The following ADAMTS20 variants were observed in gnomAD, a reference collection of about 807,000 sequenced individuals.
ADAMTS20 encodes ADAM metallopeptidase with thrombospondin type 1 motif 20.
Under a neutral mutation model 260.1 loss-of-function variants are expected in ADAMTS20, and 225 were observed. That is an observed-to-expected ratio of 0.87 (90% CI 0.78 to 0.97). ADAMTS20 has a LOEUF of 0.97. Ranked by LOEUF, ADAMTS20 falls within the 50% of genes least tolerant of loss-of-function variation. ADAMTS20 has a pLI of 0.00. For missense variants in ADAMTS20, 2,400 were observed against 2,337.7 expected, an observed-to-expected ratio of 1.03 and a Z score of -0.55; for synonymous variants, 802 against 769.5, an observed-to-expected ratio of 1.04 and a Z score of -0.70.
intron 3 of ADAMTS20, among the ~76,000 whole-genome samples, chr12:43,508,253 A>C (rs914048928): frequency 6.6e-6 from 1 of 152,244 alleles, no homozygotes; most frequent in African/African-American, 2.4e-5. Flanking sequence ...AAAAAAGCAT[A>C]AATTTTTAAA....
At chr12:43,508,050 T>C (rs1942870976) in intron 3 of ADAMTS20, among the ~76,000 whole-genome samples, 1 of 152,140 alleles carries the variant, frequency 6.6e-6, no homozygotes, top group Non-Finnish European at 1.5e-5. Flanking sequence ...CTGGGCTTAG[T>C]ACCTGGGTGA....
intron 29 of ADAMTS20, among the ~76,000 whole-genome samples, chr12:43,394,892 C>T (rs554266026): frequency 6.6e-6 from 1 of 152,190 alleles, no homozygotes; most frequent in South Asian, 2.1e-4. Context: ...CGTAATAAAA[C>T]CTGCATTTGT....
Position 43,449,323 on chromosome 12 carries a change from C to T in ADAMTS20, c.2080-2611G>A, listed in dbSNP as rs1052030884. Among the ~76,000 whole-genome samples, 15 of 151,940 alleles carry T rather than the reference C, an allele frequency of 9.9e-5. No homozygotes were observed. The East Asian group carries it at 1.9e-3, about 20-fold the overall frequency. ...GCAGCCATAGAAAAGAATAAAATGA[C>T]GTCTTTTACAGGAACATGGATGGAG... On this transcript the variant is annotated intron_variant, in intron 14 of 38. Transcript: ENST00000389420.
chr12:43,375,553 C>T (rs765921687), intron 35 of ADAMTS20, 41 bp from the exon 36 acceptor site: 16 of 1,605,056 alleles, frequency 1.0e-5, no homozygotes, highest in African/African-American at 1.3e-5. Flanking sequence ...GATGCAGTTA[C>T]GAGGCCATAA....
chr12:43,492,449 C>T (rs956944210), intron 6 of ADAMTS20, 56 bp downstream of exon 6: 48 of 1,546,726 alleles, frequency 3.1e-5, no homozygotes, highest in Non-Finnish European at 4.1e-5. Context: ...AAGTATCAGT[C>T]ATGCAGGAGG....
At chr12:43,372,413 G>A (rs1465431985) in intron 36 of ADAMTS20, among the ~76,000 whole-genome samples, 1 of 152,158 alleles carries the variant, frequency 6.6e-6, no homozygotes, top group African/African-American at 2.4e-5. Context: ...GGTTATTGAT[G>A]ACTTTGATAA....
intron 18 of ADAMTS20, among the ~76,000 whole-genome samples, chr12:43,439,185 T>C (rs1326798321): frequency 6.6e-6 from 1 of 152,146 alleles, no homozygotes; most frequent in Non-Finnish European, 1.5e-5. Context: ...TTATACTTTC[T>C]CATGGTCAGG....
rs1434422090 is a variant in ADAMTS20, at chr12:43,460,997, T to A, written c.1614+1898A>T. Among the ~76,000 whole-genome samples, 46 of 107,640 alleles carry A rather than the reference T, an allele frequency of 4.3e-4. 1 individual carries two copies. The highest frequency in any genetic ancestry group is 9.0e-4 in the African/African-American group (27 of 29,956). 70.6% of individuals were successfully genotyped at this position (107,640 alleles called of 152,430 possible). A position where few individuals can be genotyped will look rare whatever the true frequency, so the allele number is the denominator to read the frequency against. On this transcript the variant is annotated intron_variant, in intron 11 of 38. Transcript: ENST00000389420. ...ATATATATATATATATATTTTTTTT[T>A]TTTTTTTTTTTTTTGAGACGAAGTC...
At chr12:43,362,729 A>ATTCTT (rs1939898190) in intron 37 of ADAMTS20, among the ~76,000 whole-genome samples, 10 of 152,020 alleles carry the variant, frequency 6.6e-5, no homozygotes, top group South Asian at 2.1e-4. Context: ...AAAATCAAGA[A>ATTCTT]GATTTTCTTC....
intron 3 of ADAMTS20, among the ~76,000 whole-genome samples, chr12:43,503,201 G>A (rs1012747656): frequency 6.6e-6 from 1 of 151,862 alleles, no homozygotes; most frequent in Admixed American, 6.6e-5. Flanking sequence ...CCTTCATTTT[G>A]TTCCTCTCCT....
chr12:43,440,523 C>G (rs987363625), intron 16 of ADAMTS20, among the ~76,000 whole-genome samples: 1 of 152,148 alleles, frequency 6.6e-6, no homozygotes, highest in Non-Finnish European at 1.5e-5. Flanking sequence ...AGGAAATAAA[C>G]TTTATTTTAC....
chr12:43,415,952 C>T (rs1194163132), intron 28 of ADAMTS20, among the ~76,000 whole-genome samples: 2 of 152,158 alleles, frequency 1.3e-5, no homozygotes, highest in Non-Finnish European at 1.5e-5. Flanking sequence ...TTGACTTTTT[C>T]ACTCACTGCC....
intron 18 of ADAMTS20, among the ~76,000 whole-genome samples, chr12:43,436,522 TTAA>T (rs1391410618): frequency 6.6e-6 from 1 of 152,158 alleles, no homozygotes; most frequent in Non-Finnish European, 1.5e-5. Context: ...TATAAAATTA[TTAA>T]TAATATATTT....
intron 29 of ADAMTS20, among the ~76,000 whole-genome samples, chr12:43,396,811 G>A (rs1940714072): frequency 6.6e-6 from 1 of 152,126 alleles, no homozygotes. Context: ...GAGGTTCAGA[G>A]ACAGAAAGTG....
intron 36 of ADAMTS20, among the ~76,000 whole-genome samples, chr12:43,370,914 T>C (rs1040020929): frequency 2.0e-5 from 3 of 152,216 alleles, no homozygotes; most frequent in African/African-American, 7.2e-5. Context: ...TCACTTTTTA[T>C]CTGAATTGTT....
intron 2 of ADAMTS20, 90 bp downstream of exon 2, chr12:43,550,819 G>C (rs1943501034): frequency 7.0e-7 from 1 of 1,437,086 alleles, no homozygotes; most frequent in African/African-American, 1.4e-5. Context: ...AGGGTCATCA[G>C]CCACCAACTC....
chr12:43,542,367 A>C (rs1943388258), intron 2 of ADAMTS20, among the ~76,000 whole-genome samples: 1 of 152,248 alleles, frequency 6.6e-6, no homozygotes, highest in Non-Finnish European at 1.5e-5. Flanking sequence ...CAAACACAAA[A>C]ATACATATAA....
intron 36 of ADAMTS20, among the ~76,000 whole-genome samples, chr12:43,374,153 C>A (rs1014042703): frequency 6.6e-6 from 1 of 152,056 alleles, no homozygotes; most frequent in African/African-American, 2.4e-5. Context: ...CCCAGACAGT[C>A]TAGAGTTTAT....
intron 18 of ADAMTS20, among the ~76,000 whole-genome samples, chr12:43,434,694 A>C (rs977517270): frequency 3.3e-5 from 5 of 152,204 alleles, no homozygotes; most frequent in Non-Finnish European, 2.9e-5. Flanking sequence ...CACTGTTGCT[A>C]TACAGTACAC....
Sources: gnomAD v4.1 joint callset for allele counts (sites outside exome capture counted in the v4.1 genomes callset) on GRCh38, gnomAD v4.1.1 for gene constraint, MANE v1.5 for transcripts, NCBI Gene and HGNC (gene_info 2026-07-23, HGNC 2026-07-21) for gene names.